The following KCNU1 variants were observed in gnomAD, a reference collection of about 807,000 sequenced individuals.
KCNU1 encodes potassium calcium-activated channel subfamily U member 1.
KCNU1 carries 93 observed loss-of-function variants against 126.8 expected under a neutral mutation model. That is an observed-to-expected ratio of 0.73 (90% confidence interval 0.62 to 0.87). KCNU1 has a LOEUF of 0.87. Among genes scored for constraint, KCNU1 ranks in the 40% least tolerant of loss-of-function variants. The pLI is 0.00. For synonymous variants in KCNU1, 523 were observed against 494.2 expected (o/e 1.06, Z -0.77); for missense variants, 1,330 against 1,367.1 (o/e 0.97, Z 0.43).
intron 24 of KCNU1, among the ~76,000 whole-genome samples, chr8:36,924,439 A>G (rs768755983): frequency 1.3e-5 from 2 of 152,184 alleles, no homozygotes; most frequent in Admixed American, 1.3e-4. Flanking sequence ...GCCATTCGGC[A>G]TGAGATTGTG....
chr8:36,934,806 C>T (rs1433800271), intron 26 of KCNU1, among the ~76,000 whole-genome samples: 1 of 152,134 alleles, frequency 6.6e-6, no homozygotes, highest in Non-Finnish European at 1.5e-5. Flanking sequence ...CCCACATAAG[C>T]ACTGCTGCAC....
intron 10 of KCNU1, among the ~76,000 whole-genome samples, chr8:36,830,845 T>C (rs1804514767): frequency 1.3e-5 from 2 of 151,530 alleles, no homozygotes; most frequent in Non-Finnish European, 2.9e-5. Context: ...GCCATGCTGG[T>C]GCGCTGCACC....
chr8:36,904,199 A>G (rs911261739), intron 19 of KCNU1, among the ~76,000 whole-genome samples: 1 of 152,184 alleles, frequency 6.6e-6, no homozygotes, highest in East Asian at 1.9e-4. Flanking sequence ...ATGAAATCTC[A>G]GTGGCTGCAC....
intron 19 of KCNU1, among the ~76,000 whole-genome samples, chr8:36,885,807 G>A (rs1806678600): frequency 6.6e-6 from 1 of 151,862 alleles, no homozygotes; most frequent in African/African-American, 2.4e-5. Context: ...AAAAGAAAAA[G>A]GAAAAAAGAA....
chr8:36,858,017 T>C (rs1031291059), intron 18 of KCNU1, among the ~76,000 whole-genome samples: 2 of 152,120 alleles, frequency 1.3e-5, no homozygotes, highest in African/African-American at 2.4e-5. Flanking sequence ...TTGTTTATGT[T>C]TTGATAATTT....
At chr8:36,878,172 G>A (rs1421750698) in intron 19 of KCNU1, among the ~76,000 whole-genome samples, 2 of 152,154 alleles carry the variant, frequency 1.3e-5, no homozygotes, top group Non-Finnish European at 2.9e-5. Context: ...AGCAATAAAA[G>A]TATTTAAAAT....
At chr8:36,809,790 T>C (rs1475061953) in intron 7 of KCNU1, among the ~76,000 whole-genome samples, 1 of 152,256 alleles carries the variant, frequency 6.6e-6, no homozygotes, top group Non-Finnish European at 1.5e-5. Flanking sequence ...GACTTTTTTT[T>C]CTTTTTCCTT....
chr8:36,804,962 AC>A (rs1803443478), intron 3 of KCNU1, among the ~76,000 whole-genome samples: 1 of 152,174 alleles, frequency 6.6e-6, no homozygotes, highest in Non-Finnish European at 1.5e-5. Flanking sequence ...ATCCTACAAA[AC>A]AAATTATGGG....
At chr8:36,909,602 AATG>A in intron 21 of KCNU1, 67 bp downstream of exon 21, 1 of 919,094 alleles carries the variant, frequency 1.1e-6, no homozygotes, top group South Asian at 1.5e-5. Context: ...TAGAATTAAT[AATG>A]ATAATATTGC....
At chr8:36,907,058 T>C (rs950187964) in intron 20 of KCNU1, among the ~76,000 whole-genome samples, 1 of 152,174 alleles carries the variant, frequency 6.6e-6, no homozygotes, top group Non-Finnish European at 1.5e-5. Flanking sequence ...TCCCTTATGA[T>C]ACTTGATATG....
At chr8:36,834,731 C>T in intron 11 of KCNU1, 55 bp from the exon 12 acceptor site, 3 of 1,137,722 alleles carry the variant, frequency 2.6e-6, no homozygotes, top group Non-Finnish European at 3.9e-6. Flanking sequence ...AGGGGAAGAC[C>T]AGAGCATTTC....
intron 19 of KCNU1, among the ~76,000 whole-genome samples, chr8:36,866,284 C>T (rs905264910): frequency 1.3e-5 from 2 of 152,068 alleles, no homozygotes; most frequent in African/African-American, 2.4e-5. Flanking sequence ...AGTCCTCTTC[C>T]GTTTACCTGA....
At chr8:36,891,757 T>C (rs1365094117) in intron 19 of KCNU1, among the ~76,000 whole-genome samples, 1 of 152,212 alleles carries the variant, frequency 6.6e-6, no homozygotes, top group East Asian at 1.9e-4. Context: ...TAAGCCTTTT[T>C]TTTGAGAACT....
intron 19 of KCNU1, among the ~76,000 whole-genome samples, chr8:36,879,957 A>C (rs1806412738): frequency 6.6e-6 from 1 of 152,248 alleles, no homozygotes; most frequent in Non-Finnish European, 1.5e-5. Flanking sequence ...ATAACAATAA[A>C]TGCTAAGCAC....
chr8:36,827,945 G>A (rs1014919100), intron 10 of KCNU1, among the ~76,000 whole-genome samples: 2 of 152,086 alleles, frequency 1.3e-5, no homozygotes, highest in African/African-American at 4.8e-5. Context: ...TTCGAGTAGA[G>A]GAAAGACATG....
chr8:36,798,669 C>G (rs1803194292), intron 2 of KCNU1, among the ~76,000 whole-genome samples: 1 of 152,216 alleles, frequency 6.6e-6, no homozygotes, highest in South Asian at 2.1e-4. Flanking sequence ...AATCCCAGGT[C>G]TCCAGACAAA....
chr8:36,792,235 C>A (rs1007844619), intron 2 of KCNU1, among the ~76,000 whole-genome samples: 1 of 152,194 alleles, frequency 6.6e-6, no homozygotes, highest in Non-Finnish European at 1.5e-5. Flanking sequence ...TTCTCAGCAA[C>A]ATTGTCAGAT....
chr8:36,844,235 C>T (rs1805059051), intron 16 of KCNU1, among the ~76,000 whole-genome samples: 1 of 152,032 alleles, frequency 6.6e-6, no homozygotes, highest in Non-Finnish European at 1.5e-5. Context: ...AAAAAATTAG[C>T]TATGCATGGT....
At chr8:36,927,200 C>G (rs544681970) in intron 24 of KCNU1, among the ~76,000 whole-genome samples, 6 of 152,242 alleles carry the variant, frequency 3.9e-5, no homozygotes, top group African/African-American at 1.2e-4. Flanking sequence ...AATTCTATCC[C>G]TTGTTAGACC....
Sources: gnomAD v4.1 joint callset for allele counts (sites outside exome capture counted in the v4.1 genomes callset) on GRCh38, gnomAD v4.1.1 for gene constraint, MANE v1.5 for transcripts, NCBI Gene and HGNC (gene_info 2026-07-23, HGNC 2026-07-21) for gene names.